DNAH8: variants seen among roughly 807,000 people sequenced by gnomAD.
DNAH8 encodes dynein axonemal heavy chain 8, also known as axonemal beta dynein heavy chain 8.
DNAH8 carries 382 observed loss-of-function variants against 562.1 expected under a neutral mutation model. That is an observed-to-expected ratio of 0.68 (90% confidence interval 0.63 to 0.74). The LOEUF is 0.74. DNAH8 is among the 30% of genes least tolerant of loss of function. The pLI is 0.00. For synonymous variants in DNAH8, 1,881 were observed against 1,919.4 expected (o/e 0.98, Z 0.52); for missense variants, 5,203 against 5,620.4 (o/e 0.93, Z 2.37).
intron 88 of DNAH8, among the ~76,000 whole-genome samples, chr6:38,997,077 C>T (rs1479846250): frequency 6.6e-6 from 1 of 152,098 alleles, no homozygotes; most frequent in Admixed American, 6.5e-5. Flanking sequence ...CTTGGGGTCT[C>T]TCTCACCCAC....
chr6:38,940,138 G>A (rs1367598087), intron 79 of DNAH8, among the ~76,000 whole-genome samples: 2 of 152,034 alleles, frequency 1.3e-5, no homozygotes, highest in Non-Finnish European at 2.9e-5. Flanking sequence ...AGGTGAACTT[G>A]GCACACGTGT....
At chr6:38,750,411 G>A (rs1180658478) in intron 8 of DNAH8, 65 bp from the exon 9 acceptor site, 18 of 1,032,472 alleles carry the variant, frequency 1.7e-5, no homozygotes, top group South Asian at 4.9e-5. Context: ...TGAATTTCCC[G>A]AGTAAACTTT....
Position 38,915,250 on chromosome 6 carries a change from A to T in DNAH8, c.10013A>T (p.Asn3338Ile). The change falls in exon 68 of 93, where the codon AAT becomes ATT. Residue 3338 changes from asparagine (N) to isoleucine (I), a missense_variant. By Grantham distance (149) the Asn-to-Ile change is moderately radical. This residue lies in a region of DNAH8 where 87 missense variants were observed against 144.9 expected (regional missense o/e 0.60). Transcript: ENST00000327475. The stretch of plus-strand genomic sequence containing the variant: ...GCTCAGGCTTCAGCCAAAATTAAAA[A>T]TGAAGTACAGGAGGTAAAGGACAAA... ...VSAQASAKIK[N>I]EVQEVKDKAQ... is the part of the protein sequence containing the mutation. 1 of 1,610,372 alleles carries T rather than the reference A, an allele frequency of 6.2e-7. No individual in the cohort carries two copies. The highest frequency in any genetic ancestry group is 8.5e-7 in the Non-Finnish European group (1 of 1,178,786).
intron 88 of DNAH8, among the ~76,000 whole-genome samples, chr6:38,990,886 G>T (rs1444004583): frequency 6.6e-6 from 1 of 152,176 alleles, no homozygotes; most frequent in Non-Finnish European, 1.5e-5. Context: ...CTTTGGAATG[G>T]ACCGCATGTC....
chr6:38,723,120 C>G lies in DNAH8; in HGVS notation c.311C>G (p.Pro104Arg), dbSNP rs954540376. The G allele has an allele frequency of 3.7e-6, 6 of 1,612,690 alleles. No individual in the cohort carries two copies. The highest frequency in any genetic ancestry group is 1.6e-4 in the Middle Eastern group (1 of 6,084). The part of the protein sequence containing the change: ...QSVISEVLSL[P>R]SSRRSSRYRR... ...GTGATTTCGGAAGTGCTGTCCTTGC[C>G]GTCTTCCCGGAGGTCCTCCAGATAC... The change falls in exon 2 of 93, where the codon CCG becomes CGG. Residue 104 changes from proline to arginine, a missense_variant. Around this residue, in one of 6 missense-constraint regions of DNAH8, gnomAD observed 556 missense variants for 496.9 expected, o/e 1.12. Coordinates refer to ENST00000327475, the MANE Select transcript of DNAH8 (RefSeq NM_001206927.2).
At chr6:38,851,456 C>T in intron 38 of DNAH8, 116 bp from the exon 39 acceptor site, 1 of 628,332 alleles carries the variant, frequency 1.6e-6, no homozygotes, top group Non-Finnish European at 2.8e-6. Flanking sequence ...TGATAAGTGA[C>T]TTTAGGTGTT....
intron 3 of DNAH8, among the ~76,000 whole-genome samples, chr6:38,725,672 G>T (rs1019980578): frequency 2.0e-5 from 3 of 152,178 alleles, no homozygotes; most frequent in Non-Finnish European, 2.9e-5. Flanking sequence ...TTACTGCTGT[G>T]GTCAAGGCTG....
chr6:38,856,692 C>T (rs1776228645), intron 41 of DNAH8, among the ~76,000 whole-genome samples: 1 of 152,122 alleles, frequency 6.6e-6, no homozygotes, highest in Non-Finnish European at 1.5e-5. Flanking sequence ...TATCAAAGTC[C>T]CTGATAAGGC....
intron 5 of DNAH8, among the ~76,000 whole-genome samples, chr6:38,736,077 G>A (rs1764061620): frequency 6.6e-6 from 1 of 152,088 alleles, no homozygotes; most frequent in Non-Finnish European, 1.5e-5. Context: ...GGCAGAGGTT[G>A]CAGTGAGCTG....
intron 71 of DNAH8, among the ~76,000 whole-genome samples, chr6:38,921,770 C>A (rs1336050181): frequency 1.3e-5 from 2 of 152,140 alleles, no homozygotes; most frequent in East Asian, 3.9e-4. Flanking sequence ...CACGCGCGTC[C>A]ATGTGAAGAG....
chr6:38,715,940 ATATATATATATATATATATAT>A (rs1762269182), intron 1 of DNAH8, among the ~76,000 whole-genome samples: 3 of 13,790 alleles, frequency 2.2e-4, no homozygotes, highest in Admixed American at 8.1e-4. Context: ...ATATATATAT[ATATATATATATATATATATAT>A]TTTTTTTTTT....
chr6:38,729,994 TTTTCTGA>T lies in DNAH8; in HGVS notation c.610+9_610+15del, dbSNP rs766201465. 4 of 1,421,160 alleles carry T rather than the reference TTTTCTGA, an allele frequency of 2.8e-6. No homozygotes were observed. Among genetic ancestry groups the T allele is most frequent in the Non-Finnish European group, 4.0e-6 (4 of 1,010,534 alleles). The allele number at this position is 1,421,160 out of a possible 1,614,324, so 88.0% of individuals were successfully genotyped here. ...GAGATGTACCTGGTATTGGTAAGAA[TTTTCTGA>T]GGGCAGTGTGCCAGTAATTAGTTCA... is the stretch of plus-strand genomic sequence containing the variant. On this transcript the variant is annotated intron_variant, in intron 4 of 92. Coordinates refer to ENST00000327475, the MANE Select transcript of DNAH8 (RefSeq NM_001206927.2).
In DNAH8 at chr6:38,786,903, G is replaced by T; in HGVS notation, c.2534G>T (p.Arg845Ile). 6.2e-7 allele frequency: 1 copy of T among 1,611,476 alleles called. No homozygotes were observed. The highest frequency in any genetic ancestry group is 1.1e-5 in the South Asian group (1 of 90,464). Reference protein sequence around the residue: ...MKLDVPEQAKRLLKLESKLKA... With the variant: ...MKLDVPEQAKILLKLESKLKA... ...TTGGATGTACCAGAACAGGCAAAGA[G>T]ATTGCTAAAATTGGAAAGTAAATTG... is the stretch of plus-strand genomic sequence containing the variant. Residue 845 changes from arginine (R) to isoleucine (I), a missense_variant, in exon 18 of 93, where the codon AGA becomes ATA. By Grantham distance (97) the Arg-to-Ile change is moderately conservative. Transcript: ENST00000327475.
At chr6:38,784,252 G>C (rs1478841805) in intron 17 of DNAH8, among the ~76,000 whole-genome samples, 1 of 152,148 alleles carries the variant, frequency 6.6e-6, no homozygotes, top group African/African-American at 2.4e-5. Context: ...AAGGAGCTTC[G>C]AGAGGAGCTT....
chr6:38,956,807 C>T (rs1381767855), intron 82 of DNAH8, among the ~76,000 whole-genome samples: 1 of 152,116 alleles, frequency 6.6e-6, no homozygotes, highest in Non-Finnish European at 1.5e-5. Context: ...GGAATCAAAA[C>T]ATACTACTAG....
At chr6:38,851,432 A>G in intron 38 of DNAH8, 140 bp from the exon 39 acceptor site, 3 of 580,782 alleles carry the variant, frequency 5.2e-6, no homozygotes, top group Non-Finnish European at 6.0e-6. Flanking sequence ...TTCACCAAAC[A>G]TTGCAGGGGT....
chr6:38,817,030 G>A, intron 26 of DNAH8, among the ~76,000 whole-genome samples: 1 of 152,174 alleles, frequency 6.6e-6, no homozygotes, highest in Non-Finnish European at 1.5e-5. Flanking sequence ...TGCAGGGAAA[G>A]GCAAATTGAA....
intron 82 of DNAH8, among the ~76,000 whole-genome samples, chr6:38,956,760 A>G (rs879855565): frequency 6.6e-6 from 1 of 152,222 alleles, no homozygotes; most frequent in Non-Finnish European, 1.5e-5. Context: ...ACCACAAAGC[A>G]AAAACCTATA....
At chr6:38,988,502 C>G (rs998910817) in intron 87 of DNAH8, among the ~76,000 whole-genome samples, 3 of 152,190 alleles carry the variant, frequency 2.0e-5, no homozygotes, top group African/African-American at 7.2e-5. Flanking sequence ...CGTGAAAAAT[C>G]TAATATTTCT....
Sources: allele counts gnomAD v4.1 joint callset (sites outside exome capture counted in the v4.1 genomes callset), GRCh38; gene constraint gnomAD v4.1.1; regional missense constraint gnomAD v4.1.1; transcripts MANE v1.5; gene names NCBI Gene and HGNC (gene_info 2026-07-23, HGNC 2026-07-21).